ENSA: variants seen among roughly 807,000 people sequenced by gnomAD.
ENSA encodes endosulfine alpha.
In ENSA, 7 loss-of-function variants were observed where a neutral mutation model predicts 16.8. The observed-to-expected ratio is 0.42, with a 90% CI of 0.24 to 0.78. The LOEUF is 0.78. ENSA is among the 30% of genes least tolerant of loss of function. The pLI is 0.29. For missense variants in ENSA, 87 were observed against 142.3 expected (o/e 0.61, Z 1.98); for synonymous variants, 58 against 53.4 (o/e 1.09, Z -0.37).
chr1:150,624,489 GA>G (rs1649168375), intron 3 of ENSA: 1 of 985,806 alleles, frequency 1.0e-6, no homozygotes, highest in Admixed American at 6.1e-5. Flanking sequence ...CGCTGCCAGA[GA>G]AGCTTTTTAG....
chr1:150,627,698 G>T, intron 1 of ENSA, 106 bp from the exon 2 acceptor site: 1 of 1,206,412 alleles, frequency 8.3e-7, no homozygotes, highest in Non-Finnish European at 1.2e-6. Flanking sequence ...CCACCCACTT[G>T]TAAATACGCT....
rs921530814 is a variant in ENSA at position 150,622,487 on chromosome 1, G to A, written c.*357C>T. On this transcript the variant is annotated 3_prime_UTR_variant, in exon 4 of 4. Transcript: ENST00000369014. Reference sequence around the variant, plus strand: ...CTCATACCTACCCCACATCAGCCACGTGGTTAAGAAGGATAGTCAGGAATG... The same window carrying A: ...CTCATACCTACCCCACATCAGCCACATGGTTAAGAAGGATAGTCAGGAATG... 8 of 279,310 alleles carry A rather than the reference G, an allele frequency of 2.9e-5. No homozygotes were observed. The highest frequency in any genetic ancestry group is 5.2e-5 in the Admixed American group (1 of 19,066). The allele number at this position is 279,310 out of a possible 1,614,324, so 17.3% of individuals were successfully genotyped here. A position where few individuals can be genotyped will look rare whatever the true frequency, so the allele number is the denominator to read the frequency against.
chr1:150,629,268 G>C (rs1227508337), intron 1 of ENSA, 146 bp downstream of exon 1: 1 of 1,500,372 alleles, frequency 6.7e-7, no homozygotes, highest in Admixed American at 1.9e-5. Flanking sequence ...GCAGCATGTC[G>C]TGTTGAAGCT....
chr1:150,629,518 AGAAGG>A lies in ENSA; in HGVS notation c.-53_-49del, dbSNP rs1237066858. ...GTAAGGGGCCCGGGAAGGCAACCGGAGAAGGGAAGGGGGAGGGGAAACGGGGACAA... is the reference window on the plus strand; with the variant it reads ...GTAAGGGGCCCGGGAAGGCAACCGGAGAAGGGGGAGGGGAAACGGGGACAA... On this transcript the variant is annotated 5_prime_UTR_variant, in exon 1 of 4. Coordinates refer to ENST00000369014, the MANE Select transcript of ENSA (RefSeq NM_004436.4). 6.3e-7 allele frequency: 1 copy of A among 1,599,276 alleles called. No homozygotes were observed. Among genetic ancestry groups the A allele is most frequent in the Non-Finnish European group, 8.5e-7 (1 of 1,173,888 alleles).
intron 1 of ENSA, among the ~76,000 whole-genome samples, chr1:150,628,770 G>T (rs1397101972): frequency 6.6e-6 from 1 of 152,154 alleles, no homozygotes; most frequent in Admixed American, 6.5e-5. Flanking sequence ...GGGGAAGAGA[G>T]AAGTGTCTTT....
chr1:150,629,096 C>T, intron 1 of ENSA: 1 of 1,614,186 alleles, frequency 6.2e-7, no homozygotes, highest in Non-Finnish European at 8.5e-7. Flanking sequence ...CACCCAAGAC[C>T]ACCAGCCATC....
chr1:150,626,044 G>C (rs1425215461), intron 2 of ENSA, among the ~76,000 whole-genome samples: 1 of 152,198 alleles, frequency 6.6e-6, no homozygotes, highest in East Asian at 1.9e-4. Context: ...AGAGTATATA[G>C]TTTTGGAGTC....
In ENSA at chr1:150,627,477, A is replaced by G; in HGVS notation, c.173T>C (p.Leu58Pro). The change falls in exon 2 of 4, where the codon CTC (leucine) becomes CCC (proline). Residue 58 changes from leucine (L) to proline (P), a missense_variant. Leu to Pro is a moderately conservative substitution (Grantham distance 98). Transcript: ENST00000369014. ...PGGSDFLMKR[L>P]QKGQKYFDSG... ...GACTATGCCCCATACCCCTTTCTGGAGTCTCTTCATGAGGAAGTCGGAGCC... is the reference window on the plus strand; with the variant it reads ...GACTATGCCCCATACCCCTTTCTGGGGTCTCTTCATGAGGAAGTCGGAGCC... 6.2e-7 allele frequency: 1 copy of G among 1,614,196 alleles called. No homozygotes were observed. Among genetic ancestry groups the G allele is most frequent in the Non-Finnish European group, 8.5e-7 (1 of 1,180,052 alleles).
At chr1:150,624,952 C>T in intron 3 of ENSA, 1 of 984,556 alleles carries the variant, frequency 1.0e-6, no homozygotes, top group Non-Finnish European at 1.2e-6. Flanking sequence ...TAAACCAGTG[C>T]TCGTCCCACT....
At chr1:150,626,558 T>C (rs756264531) in intron 2 of ENSA, 3 of 1,601,256 alleles carry the variant, frequency 1.9e-6, no homozygotes, top group Non-Finnish European at 2.6e-6. Flanking sequence ...GTAAGGAAAA[T>C]AAAAAAATTT....
intron 3 of ENSA, 108 bp from the exon 4 acceptor site, chr1:150,622,967 A>G (rs770307866): frequency 1.2e-5 from 17 of 1,379,186 alleles, no homozygotes; most frequent in Non-Finnish European, 1.6e-5. Flanking sequence ...CTCCACATTT[A>G]ACAACCATTA....
intron 3 of ENSA, chr1:150,623,584 G>A (rs2101735317): frequency 2.0e-6 from 2 of 985,446 alleles, no homozygotes; most frequent in Non-Finnish European, 2.4e-6. Context: ...AAGAAAAAAA[G>A]TACAGAATTT....
intron 3 of ENSA, chr1:150,624,140 G>A: frequency 1.0e-6 from 1 of 985,424 alleles, no homozygotes; most frequent in Non-Finnish European, 1.2e-6. Flanking sequence ...TAACTAGATT[G>A]AAGATGCTGG....
chr1:150,625,742 T>C lies in ENSA; in HGVS notation c.250A>G (p.Ser84Gly). 3 of 1,612,002 alleles carry C rather than the reference T, an allele frequency of 1.9e-6. No homozygotes were observed. The highest frequency in any genetic ancestry group is 2.5e-6 in the Non-Finnish European group (3 of 1,179,078). ...KAKMKNKQLP[S>G]AGPDKNLVTG... ...ACCAGGTTCTTGTCTGGTCCTGCAC[T>C]TGGCAGCTGCTTATTCTTCATCTTG... Residue 84 changes from serine (S) to glycine (G), a missense_variant, in exon 3 of 4, where the codon AGT becomes GGT. Physicochemically the swap from Ser to Gly is moderately conservative, Grantham distance 56 (BLOSUM62 0). Coordinates refer to ENST00000369014, the MANE Select transcript of ENSA (RefSeq NM_004436.4).
Position 150,622,851 on chromosome 1 carries a change from A to C in ENSA, c.359T>G (p.Val120Gly), listed in dbSNP as rs587672876. Residue 120 changes from valine to glycine, a missense_variant, in exon 4 of 4, where the codon GTT becomes GGT. By Grantham distance (109) the Val-to-Gly change is moderately radical. Transcript: ENST00000369014. ...LVTSKLAGGQVE is the reference protein window; with the variant it reads ...LVTSKLAGGQGE ...GCAGAGCCCCGGGCAGCATCATTCA[A>C]CTTGGCCACTGCGGACGAACACAGA... 6.4e-7 allele frequency: 1 copy of C among 1,556,340 alleles called. No homozygotes were observed. The highest frequency in any genetic ancestry group is 1.4e-5 in the African/African-American group (1 of 73,062).
chr1:150,627,285 G>A, intron 2 of ENSA, 182 bp downstream of exon 2: 1 of 1,558,672 alleles, frequency 6.4e-7, no homozygotes, highest in Non-Finnish European at 8.7e-7. Context: ...AAATCAGGAG[G>A]GAATTGATAC....
chr1:150,629,047 G>A (rs1242855882), intron 1 of ENSA: 4 of 1,613,948 alleles, frequency 2.5e-6, no homozygotes, highest in Admixed American at 1.7e-5. Context: ...CAGCCCGGTT[G>A]CTGGGTCACT....
At chr1:150,624,413 G>C in intron 3 of ENSA, 1 of 985,898 alleles carries the variant, frequency 1.0e-6, no homozygotes, top group Non-Finnish European at 1.2e-6. Context: ...CCTGGCATCA[G>C]ACTGCATCTG....
chr1:150,625,269 G>A, intron 3 of ENSA: 1 of 1,001,844 alleles, frequency 1.0e-6, no homozygotes, highest in Non-Finnish European at 1.2e-6. Context: ...TTAGCCTTGG[G>A]ATGTTAAACC....
Sources: gnomAD v4.1 joint callset for allele counts (sites outside exome capture counted in the v4.1 genomes callset) on GRCh38, gnomAD v4.1.1 for gene constraint, MANE v1.5 for transcripts, NCBI Gene and HGNC (gene_info 2026-07-23, HGNC 2026-07-21) for gene names.